RRP1B: variants seen among roughly 807,000 people sequenced by gnomAD.
RRP1B encodes ribosomal RNA processing protein 1 homolog B.
Under a neutral mutation model 80.2 loss-of-function variants are expected in RRP1B, and 56 were observed. The observed-to-expected ratio is 0.70, with a 90% CI of 0.56 to 0.87. RRP1B has a LOEUF of 0.87. RRP1B is among the 40% of genes least tolerant of loss of function. The pLI is 0.00. For synonymous variants in RRP1B, 351 were observed against 357.6 expected (o/e 0.98, Z 0.21); for missense variants, 807 against 939.8 (o/e 0.86, Z 1.85).
intron 1 of RRP1B, among the ~76,000 whole-genome samples, chr21:43,664,520 C>T (rs1273090954): frequency 6.6e-6 from 1 of 152,132 alleles, no homozygotes; most frequent in Non-Finnish European, 1.5e-5. Context: ...GAACTGAGGC[C>T]CAAAAGTCAG....
In RRP1B at chr21:43,690,316, A is replaced by G. The variant is rs946240159; in HGVS notation, c.1895A>G (p.Lys632Arg). ...AGCAGTGGGACTTGCAGTTCCCTGA[A>G]GAAGCAGAAGCTGAGGGCAGAGAGC... is the stretch of plus-strand genomic sequence containing the variant. Reference protein sequence around the residue: ...LGSSGTCSSLKKQKLRAESDF... With the variant: ...LGSSGTCSSLRKQKLRAESDF... The change falls in exon 14 of 16, where the codon AAG (lysine) becomes AGG (arginine). Residue 632 changes from lysine (K) to arginine (R), a missense_variant. Coordinates refer to ENST00000340648, the MANE Select transcript of RRP1B (RefSeq NM_015056.3). 6.2e-7 allele frequency: 1 copy of G among 1,614,074 alleles called. No homozygotes were observed. Among genetic ancestry groups the G allele is most frequent in the African/African-American group, 1.3e-5 (1 of 74,938 alleles).
At chr21:43,680,851 G>A (rs577862378) in intron 8 of RRP1B, among the ~76,000 whole-genome samples, 1 of 152,266 alleles carries the variant, frequency 6.6e-6, no homozygotes, top group East Asian at 1.9e-4. Flanking sequence ...AGCCCAAAAT[G>A]TTAGTATAGT....
At chr21:43,667,383 T>G (rs1568954573) in intron 1 of RRP1B, among the ~76,000 whole-genome samples, 1 of 152,116 alleles carries the variant, frequency 6.6e-6, no homozygotes, top group Non-Finnish European at 1.5e-5. Flanking sequence ...CATGCCACCA[T>G]GCTCTGCCAA....
chr21:43,688,107 GCA>G lies in RRP1B; in HGVS notation c.1734_1735del (p.Ser579ProfsTer67). ...CTGCAGAAAAAGAAGGCAGGGCCCG[GCA>G]GCCTGGAGCTCTGTGGCCTGCCCAG... On this transcript the variant is annotated frameshift_variant, in exon 13 of 16. Transcript: ENST00000340648. LOFTEE classifies it high-confidence loss of function. 6.2e-7 allele frequency: 1 copy of G among 1,601,796 alleles called. No homozygotes were observed. Among genetic ancestry groups the G allele is most frequent in the Non-Finnish European group, 8.5e-7 (1 of 1,174,652 alleles).
intron 10 of RRP1B, 127 bp downstream of exon 10, chr21:43,684,777 A>G: frequency 4.1e-6 from 3 of 726,096 alleles, no homozygotes; most frequent in Admixed American, 2.5e-5. Context: ...GCTTTTGTGT[A>G]TAGCAATGTA....
In RRP1B at chr21:43,659,841, C is replaced by A. The variant is rs1473268885; in HGVS notation, c.130+47C>A. The A allele has an allele frequency of 6.8e-7, 1 of 1,475,002 alleles. No individual in the cohort carries two copies. Among genetic ancestry groups the A allele is most frequent in the Non-Finnish European group, 9.0e-7 (1 of 1,106,582 alleles). The allele number at this position is 1,475,002 out of a possible 1,614,324, so 91.4% of individuals were successfully genotyped here. ...GCCGCGCCACATGGCGGGCCGGGGG[C>A]CGGGGCTGGGGCTAGGGCCAGGGCC... On this transcript the variant is annotated intron_variant, in intron 1 of 15. Transcript: ENST00000340648. The surrounding 1 kb of genome is among the most constrained non-coding windows in gnomAD (Gnocchi z 4.2).
chr21:43,668,712 A>G (rs969162274), intron 1 of RRP1B, among the ~76,000 whole-genome samples: 1 of 152,108 alleles, frequency 6.6e-6, no homozygotes, highest in African/African-American at 2.4e-5. Context: ...TTAAGATCAC[A>G]TTGATTCTAA....
intron 8 of RRP1B, among the ~76,000 whole-genome samples, chr21:43,677,399 G>T (rs2083027148): frequency 6.6e-6 from 1 of 152,136 alleles, no homozygotes; most frequent in Non-Finnish European, 1.5e-5. Flanking sequence ...TCTTACTACT[G>T]TTTTGTGTCT....
At chr21:43,676,575 C>T (rs568991670) in intron 7 of RRP1B, among the ~76,000 whole-genome samples, 158 bp from the exon 8 acceptor site, 9 of 152,354 alleles carry the variant, frequency 5.9e-5, no homozygotes, top group Middle Eastern at 3.4e-3. Context: ...CCGTGCCTGT[C>T]GGGTGGCACT....
rs1601758739 is a variant in RRP1B at position 43,683,215 on chromosome 21, T to C, written c.797-64T>C. On this transcript the variant is annotated intron_variant, in intron 8 of 15. Transcript: ENST00000340648. ...ACACCTAATTAGACAGTGGCTCCTG[T>C]GGAAGTAGTCACTTCTGTGTATTTG... is the stretch of plus-strand genomic sequence containing the variant. 2.3e-6 allele frequency: 3 copies of C among 1,321,038 alleles called. No individual in the cohort carries two copies. In the East Asian group the frequency reaches 7.0e-5, roughly 31 times the overall value. The allele number at this position is 1,321,038 out of a possible 1,614,324, so 81.8% of individuals were successfully genotyped here. A position where few individuals can be genotyped will look rare whatever the true frequency, so the allele number is the denominator to read the frequency against.
rs1393305583 is a variant in RRP1B at position 43,659,775 on chromosome 21, G to A, written c.111G>A (p.Val37=). 11 of 1,517,746 alleles carry A rather than the reference G, an allele frequency of 7.2e-6. No homozygotes were observed. The allele number at this position is 1,517,746 out of a possible 1,614,324, so 94.0% of individuals were successfully genotyped here. Residue 37 remains valine (V), a synonymous_variant, in exon 1 of 16, where the codon GTG becomes GTA. Transcript: ENST00000340648. This position sits in a 1 kb window ranked among gnomAD's most constrained non-coding sequence, Gnocchi z 4.2. The part of the protein sequence containing the change: ...AVKKLRQYIS[V]KTQRETGGFS... Reference sequence around the variant, plus strand: ...AGAAGCTGCGCCAGTACATCAGCGTGAAGACGCAGAGGGAGACAGGTGGGC... The same window carrying A: ...AGAAGCTGCGCCAGTACATCAGCGTAAAGACGCAGAGGGAGACAGGTGGGC...
intron 1 of RRP1B, among the ~76,000 whole-genome samples, chr21:43,669,592 C>T (rs1279988154): frequency 2.0e-5 from 3 of 152,094 alleles, no homozygotes; most frequent in Non-Finnish European, 2.9e-5. Context: ...TGATGAGGAG[C>T]CGATTTCATA....
chr21:43,675,300 G>A, intron 6 of RRP1B, 137 bp downstream of exon 6: 1 of 776,874 alleles, frequency 1.3e-6, no homozygotes, highest in South Asian at 1.7e-5. Flanking sequence ...TCCTGTCTGG[G>A]AATGTGTCCT....
In RRP1B at chr21:43,665,402, A is replaced by G. The variant is rs185991964; in HGVS notation, c.131-4482A>G. Among the ~76,000 whole-genome samples the G allele has an allele frequency of 7.9e-5, 12 of 152,380 alleles. No homozygotes were observed. The East Asian group carries it at 2.3e-3, about 29-fold the overall frequency. ...CCCTCTGGTTCAGAGCCTGGGATTC[A>G]GGAGGCAGGGAGCAAGACAAGCTTG... On this transcript the variant is annotated intron_variant, in intron 1 of 15. Coordinates refer to ENST00000340648, the MANE Select transcript of RRP1B (RefSeq NM_015056.3).
intron 13 of RRP1B, among the ~76,000 whole-genome samples, chr21:43,689,865 G>A (rs564664827): frequency 1.5e-4 from 23 of 152,392 alleles, no homozygotes; most frequent in Middle Eastern, 3.4e-3. Flanking sequence ...TGCTGCACAC[G>A]CAATGAGTGT....
Position 43,687,780 on chromosome 21 carries a change from A to G in RRP1B, c.1406A>G (p.His469Arg). Reference sequence around the variant, plus strand: ...GAGCATCCTCCAGCCGTCCCCATGCACAATAAAAGGAAACGGCCACGGAAG... The same window carrying G: ...GAGCATCCTCCAGCCGTCCCCATGCGCAATAAAAGGAAACGGCCACGGAAG... ...GSEHPPAVPM[H>R]NKRKRPRKKS... The change falls in exon 13 of 16, where the codon CAC becomes CGC. Residue 469 changes from histidine (H) to arginine (R), a missense_variant. Coordinates refer to ENST00000340648, the MANE Select transcript of RRP1B (RefSeq NM_015056.3). 1.2e-6 allele frequency: 2 copies of G among 1,613,308 alleles called. No individual in the cohort carries two copies. Among genetic ancestry groups the G allele is most frequent in the Non-Finnish European group, 1.7e-6 (2 of 1,180,028 alleles).
At position 43,659,585 on chromosome 21, in the gene RRP1B, G is replaced by C. The variant is rs965976926; in HGVS notation, c.-80G>C. On this transcript the variant is annotated 5_prime_UTR_variant, in exon 1 of 16. Transcript: ENST00000340648. The surrounding 1 kb of genome is among the most constrained non-coding windows in gnomAD (Gnocchi z 4.2). ...CTGTGCAGTCGCGGCCCGGGCGGAC[G>C]GTGGCTGGCTGCTCCGCAGCGCTCG... is the stretch of plus-strand genomic sequence containing the variant. The C allele has an allele frequency of 1.6e-6, 2 of 1,265,644 alleles. No individual in the cohort carries two copies. Among genetic ancestry groups the C allele is most frequent in the Non-Finnish European group, 2.0e-6 (2 of 1,006,496 alleles). The allele number at this position is 1,265,644 out of a possible 1,614,324, so 78.4% of individuals were successfully genotyped here. A position where few individuals can be genotyped will look rare whatever the true frequency, so the allele number is the denominator to read the frequency against.
Position 43,693,455 on chromosome 21 carries a change from G to A in RRP1B, c.*72G>A. ...CTATAAATTATACCTTTAAGAATGT[G>A]GGGCCTTTTTTATGATTTTGTAAGT... On this transcript the variant is annotated 3_prime_UTR_variant, in exon 16 of 16. Coordinates refer to ENST00000340648, the MANE Select transcript of RRP1B (RefSeq NM_015056.3). The surrounding 1 kb of genome is among the most constrained non-coding windows in gnomAD (Gnocchi z 4.1). 1 of 1,366,826 alleles carries A rather than the reference G, an allele frequency of 7.3e-7. No individual in the cohort carries two copies. Among genetic ancestry groups the A allele is most frequent in the African/African-American group, 1.5e-5 (1 of 67,440 alleles). The allele number at this position is 1,366,826 out of a possible 1,614,324, so 84.7% of individuals were successfully genotyped here. A position where few individuals can be genotyped will look rare whatever the true frequency, so the allele number is the denominator to read the frequency against.
chr21:43,686,544 C>T (rs1014004688), intron 11 of RRP1B: 12 of 363,116 alleles, frequency 3.3e-5, no homozygotes, highest in African/African-American at 2.0e-4. Context: ...AATGCAGAGA[C>T]TGCATTAGCC....
Sources: allele counts gnomAD v4.1 joint callset (sites outside exome capture counted in the v4.1 genomes callset), GRCh38; gene constraint gnomAD v4.1.1; non-coding constraint Gnocchi (gnomAD v3.1); transcripts MANE v1.5; gene names NCBI Gene and HGNC (gene_info 2026-07-23, HGNC 2026-07-21).